The following MS4A8 variants were observed in gnomAD, a reference collection of about 807,000 sequenced individuals.
MS4A8 encodes membrane-spanning 4-domains subfamily A member 8.
In MS4A8, 27 loss-of-function variants were observed where a neutral mutation model predicts 23.7. The observed-to-expected ratio is 1.14, with a 90% CI of 0.84 to 1.57. The LOEUF is 1.57. Ranked by LOEUF, MS4A8 falls within the 40% of genes most tolerant of loss-of-function variation. The probability of loss-of-function intolerance (pLI) is 0.00; values close to 1 mark genes in which losing one functional copy is unlikely to be tolerated. For missense variants in MS4A8, 301 were observed against 311.4 expected (o/e 0.97, Z 0.25); for synonymous variants, 138 against 126.3 (o/e 1.09, Z -0.62).
At chr11:60,709,775 C>G (rs929887518) in intron 5 of MS4A8, among the ~76,000 whole-genome samples, 2 of 152,192 alleles carry the variant, frequency 1.3e-5, no homozygotes, top group African/African-American at 4.8e-5. Flanking sequence ...CAGTCTTTCC[C>G]CCTTTGCTGG....
intron 1 of MS4A8, among the ~76,000 whole-genome samples, chr11:60,700,215 T>G (rs1166464027): frequency 2.6e-5 from 4 of 152,218 alleles, no homozygotes; most frequent in Non-Finnish European, 4.4e-5. Flanking sequence ...GAACTTTTGC[T>G]TTCAGCCAGT....
At position 60,715,368 on chromosome 11, in the gene MS4A8, T is replaced by G; in HGVS notation, c.707T>G (p.Val236Gly). Residue 236 changes from valine (V) to glycine (G), a missense_variant, in exon 7 of 7, where the codon GTG becomes GGG. Coordinates refer to ENST00000300226, the MANE Select transcript of MS4A8 (RefSeq NM_031457.2). ...AANPVITPEPVTSPPSYSSEI... is the reference protein window; with the variant it reads ...AANPVITPEPGTSPPSYSSEI... ...AACCCAGTGATCACCCCAGAACCGG[T>G]GACCTCACCACCAAGTTATTCCAGT... 1 of 1,614,082 alleles carries G rather than the reference T, an allele frequency of 6.2e-7. No individual in the cohort carries two copies. The highest frequency in any genetic ancestry group is 1.3e-5 in the African/African-American group (1 of 75,012).
chr11:60,715,538 C>A lies in MS4A8; in HGVS notation c.*124C>A. The A allele has an allele frequency of 1.5e-6, 1 of 669,882 alleles. No individual in the cohort carries two copies. The highest frequency in any genetic ancestry group is 2.6e-6 in the Non-Finnish European group (1 of 386,646). 41.5% of individuals were successfully genotyped at this position (669,882 alleles called of 1,614,324 possible). On this transcript the variant is annotated 3_prime_UTR_variant, in exon 7 of 7. Transcript: ENST00000300226. ...GGAAACGTCTCTCCCACTGTTTGTA[C>A]TCTCACCTTCATTCTTCAATTCAGT...
In MS4A8 at chr11:60,701,077, G is replaced by A. The variant is rs1287966512; in HGVS notation, c.217G>A (p.Gly73Arg). ...AGCTCTGAAAGAAGGCAAAACCTTGGGGGTAAGTGAGATTTCCCTTTGCAG... is the reference window on the plus strand; with the variant it reads ...AGCTCTGAAAGAAGGCAAAACCTTGAGGGTAAGTGAGATTTCCCTTTGCAG... ...QKALKEGKTL[G>R]AIQIIIGLAH... Residue 73 changes from glycine (G) to arginine (R), a missense_variant and splice_region_variant, in exon 2 of 7, where the codon GGG becomes AGG. By Grantham distance (125) the Gly-to-Arg change is moderately radical. Coordinates refer to ENST00000300226, the MANE Select transcript of MS4A8 (RefSeq NM_031457.2). 1 of 1,613,946 alleles carries A rather than the reference G, an allele frequency of 6.2e-7. No homozygotes were observed. Among genetic ancestry groups the A allele is most frequent in the Non-Finnish European group, 8.5e-7 (1 of 1,179,920 alleles).
chr11:60,703,673 G>C (rs979907026), intron 3 of MS4A8, among the ~76,000 whole-genome samples, 173 bp downstream of exon 3: 12 of 152,180 alleles, frequency 7.9e-5, no homozygotes, highest in African/African-American at 2.7e-4. Context: ...AGTTTGGTAG[G>C]GCCGGCCCAA....
At chr11:60,709,600 A>G (rs1358189133) in intron 5 of MS4A8, among the ~76,000 whole-genome samples, 1 of 152,224 alleles carries the variant, frequency 6.6e-6, no homozygotes, top group Non-Finnish European at 1.5e-5. Flanking sequence ...CAAGTGTTTA[A>G]AAGCCACATG....
rs748256385 is a variant in MS4A8, at chr11:60,700,887, G to A, written c.27G>A (p.Pro9=). Residue 9 remains proline, a synonymous_variant, in exon 2 of 7, where the codon CCG becomes CCA. Coordinates refer to ENST00000300226, the MANE Select transcript of MS4A8 (RefSeq NM_031457.2). Reference sequence around the variant, plus strand: ...TGAATTCGATGACTTCAGCAGTTCCGGTGGCCAATTCTGTGTTGGTGGTGG... The same window carrying A: ...TGAATTCGATGACTTCAGCAGTTCCAGTGGCCAATTCTGTGTTGGTGGTGG... MNSMTSAV[P]VANSVLVVAP... 6.2e-6 allele frequency: 10 copies of A among 1,614,102 alleles called. No homozygotes were observed. The highest frequency in any genetic ancestry group is 4.0e-5 in the African/African-American group (3 of 75,014).
intron 4 of MS4A8, among the ~76,000 whole-genome samples, chr11:60,708,139 C>T (rs763621221): frequency 3.9e-5 from 6 of 152,128 alleles, no homozygotes; most frequent in Non-Finnish European, 7.4e-5. Context: ...TGAGCATCCG[C>T]GTCCAGCCCC....
chr11:60,707,834 T>TTGTGTG (rs1177340355), intron 4 of MS4A8, among the ~76,000 whole-genome samples: 2 of 101,942 alleles, frequency 2.0e-5, no homozygotes, highest in Admixed American at 1.2e-4. Context: ...TTTTTTTTTT[T>TTGTGTG]TGTGTGTGTG....
At chr11:60,713,360 T>C (rs2088315711) in intron 5 of MS4A8, among the ~76,000 whole-genome samples, 1 of 151,606 alleles carries the variant, frequency 6.6e-6, no homozygotes, top group Non-Finnish European at 1.5e-5. Flanking sequence ...GTTCCCTTAG[T>C]ATTTATTGAT....
At chr11:60,705,284 C>G (rs2088246028) in intron 3 of MS4A8, among the ~76,000 whole-genome samples, 1 of 152,246 alleles carries the variant, frequency 6.6e-6, no homozygotes, top group Non-Finnish European at 1.5e-5. Context: ...GCCACCCAGG[C>G]CTACCATTGA....
chr11:60,703,099 C>A, intron 2 of MS4A8: 1 of 259,980 alleles, frequency 3.8e-6, no homozygotes, highest in Non-Finnish European at 7.2e-6. Context: ...CATGAGGACA[C>A]ATTCATGATG....
intron 3 of MS4A8, among the ~76,000 whole-genome samples, chr11:60,704,436 T>C (rs967613792): frequency 6.6e-6 from 1 of 152,148 alleles, no homozygotes; most frequent in African/African-American, 2.4e-5. Flanking sequence ...GGATGTGTTT[T>C]CTTAATTCAC....
intron 5 of MS4A8, among the ~76,000 whole-genome samples, chr11:60,712,810 A>AAAT (rs1565053918): frequency 1.8e-4 from 28 of 152,004 alleles, no homozygotes; most frequent in African/African-American, 6.3e-4. Context: ...AAAAAATTAA[A>AAAT]AAATCATAAT....
chr11:60,707,812 C>CTTTTTTT (rs5792195), intron 4 of MS4A8, among the ~76,000 whole-genome samples: 138 of 55,146 alleles, frequency 2.5e-3, no homozygotes, highest in Non-Finnish European at 2.9e-3. Context: ...TTTTCTTTTT[C>CTTTTTTT]TTTTTTTTTT....
chr11:60,709,080 C>T (rs967675302), intron 5 of MS4A8: 4 of 348,996 alleles, frequency 1.1e-5, no homozygotes, highest in Non-Finnish European at 1.6e-5. Context: ...CTCACATTCT[C>T]TGCCTTCTTG....
chr11:60,715,234 A>G (rs2088332753), intron 6 of MS4A8, 76 bp from the exon 7 acceptor site: 3 of 1,484,744 alleles, frequency 2.0e-6, no homozygotes, highest in Non-Finnish European at 2.8e-6. Context: ...GAGCAGGAGT[A>G]GTTCCTCGGT....
At chr11:60,707,458 G>A (rs532802352) in intron 4 of MS4A8, among the ~76,000 whole-genome samples, 3 of 152,278 alleles carry the variant, frequency 2.0e-5, no homozygotes, top group African/African-American at 7.2e-5. Context: ...CGGGGAAGCC[G>A]AAGGAGGCTC....
At chr11:60,714,981 A>AGTCCCGTGCTCCTGTCCTCCCC in intron 5 of MS4A8, 40 bp from the exon 6 acceptor site, 1 of 1,440,350 alleles carries the variant, frequency 6.9e-7, no homozygotes, top group Non-Finnish European at 9.8e-7. Context: ...TCGGACTCCC[A>AGTCCCGTGCTCCTGTCCTCCCC]GTCCCGTGCT....
Sources: gnomAD v4.1 joint callset for allele counts (sites outside exome capture counted in the v4.1 genomes callset) on GRCh38, gnomAD v4.1.1 for gene constraint, MANE v1.5 for transcripts, NCBI Gene and HGNC (gene_info 2026-07-23, HGNC 2026-07-21) for gene names.